The following NFE2 variants were observed in gnomAD, a reference collection of about 807,000 sequenced individuals.
The protein encoded by NFE2 is nuclear factor, erythroid 2, also known as transcription factor NF-E2 45 kDa subunit.
In NFE2, 13 loss-of-function variants were observed where a neutral mutation model predicts 25.8. The ratio of observed to expected loss-of-function variants is 0.50; its 90% CI spans 0.33 to 0.80. NFE2 has a LOEUF of 0.80. Ranked by LOEUF, NFE2 falls within the 30% of genes least tolerant of loss-of-function variation. The pLI, the probability that NFE2 is intolerant of heterozygous loss-of-function variation, is 0.02. For synonymous variants in NFE2, 204 were observed against 200.2 expected (o/e 1.02, Z -0.16); for missense variants, 382 against 478.9 (o/e 0.80, Z 1.89).
At position 54,292,818 on chromosome 12, in the gene NFE2, A is replaced by G. The variant is rs1369472872; in HGVS notation, c.678T>C (p.Asp226=). The G allele has an allele frequency of 1.2e-6, 2 of 1,614,138 alleles. No homozygotes were observed. The highest frequency in any genetic ancestry group is 2.2e-5 in the South Asian group (2 of 91,080). Residue 226 remains aspartate (D), a synonymous_variant, in exon 3 of 3, where the codon GAT becomes GAC. Coordinates refer to ENST00000435572, the MANE Select transcript of NFE2 (RefSeq NM_001136023.3). ...TCTTCATGGCCAAGGCCCGACGTTCATCCCGACTCCCTGCCTCCCCCCGTG... is the reference window on the plus strand; with the variant it reads ...TCTTCATGGCCAAGGCCCGACGTTCGTCCCGACTCCCTGCCTCCCCCCGTG... ...PTARGEAGSR[D]ERRALAMKIP... is the part of the protein sequence containing the mutation.
rs753444460 is a variant in NFE2, at chr12:54,292,770, A to G, written c.726T>C (p.Ile242=). 3 of 1,614,220 alleles carry G rather than the reference A, an allele frequency of 1.9e-6. No individual in the cohort carries two copies. The highest frequency in any genetic ancestry group is 2.2e-5 in the South Asian group (2 of 91,084). Residue 242 remains isoleucine, a synonymous_variant, in exon 3 of 3, where the codon ATT becomes ATC. Transcript: ENST00000435572. ...AMKIPFPTDK[I]VNLPVDDFNE... is the part of the protein sequence containing the mutation. ...TAAAGTCATCTACCGGCAAGTTGAC[A>G]ATCTTGTCCGTAGGAAAAGGAATCT...
At chr12:54,297,594 A>G (rs910646886) in intron 1 of NFE2, among the ~76,000 whole-genome samples, 17 of 130,090 alleles carry the variant, frequency 1.3e-4, no homozygotes, top group African/African-American at 4.7e-4. Context: ...TGAACCCGGG[A>G]GGCGGAGGTT....
intron 1 of NFE2, among the ~76,000 whole-genome samples, chr12:54,297,397 C>T (rs1228818769): frequency 6.8e-6 from 1 of 146,478 alleles, no homozygotes; most frequent in African/African-American, 2.5e-5. Context: ...GGTGCAGTGG[C>T]TCACACCTGT....
At chr12:54,300,308 C>CCAA (rs1239622452) in intron 1 of NFE2, 1 of 152,466 alleles carries the variant, frequency 6.6e-6, no homozygotes, top group African/African-American at 2.4e-5. Flanking sequence ...GGCAAAGGAG[C>CCAA]CAACAACCCA....
chr12:54,298,507 CAAAAAAAAAA>C (rs1180692795), intron 1 of NFE2, among the ~76,000 whole-genome samples: 1 of 35,616 alleles, frequency 2.8e-5, no homozygotes, highest in South Asian at 8.3e-4. Context: ...AACTCCACAT[CAAAAAAAAAA>C]AAAAAAAAAA....
In NFE2 at chr12:54,292,754, C is replaced by G. The variant is rs767181165; in HGVS notation, c.742G>C (p.Asp248His). 1 of 1,614,118 alleles carries G rather than the reference C, an allele frequency of 6.2e-7. No individual in the cohort carries two copies. The highest frequency in any genetic ancestry group is 8.5e-7 in the Non-Finnish European group (1 of 1,180,052). Residue 248 changes from aspartate to histidine, a missense_variant, in exon 3 of 3, where the codon GAT becomes CAT. Asp to His is a moderately conservative substitution (Grantham distance 81, BLOSUM62 -1). Transcript: ENST00000435572. ...CTTGCCAATAGCTCATTAAAGTCAT[C>G]TACCGGCAAGTTGACAATCTTGTCC... ...PTDKIVNLPV[D>H]DFNELLARYP...
At position 54,293,388 on chromosome 12, in the gene NFE2, G is replaced by A. The variant is rs757804344; in HGVS notation, c.115-7C>T. ...CACTTGGAGCATTCAGACCCTGCAA[G>A]GAAAGACACAAAGAGATTTGGAGAC... is the stretch of plus-strand genomic sequence containing the variant. On this transcript the variant is annotated splice_polypyrimidine_tract_variant and splice_region_variant and intron_variant, in intron 2 of 2. Transcript: ENST00000435572. 10 of 1,465,468 alleles carry A rather than the reference G, an allele frequency of 6.8e-6. No homozygotes were observed. Among genetic ancestry groups the A allele is most frequent in the Non-Finnish European group, 9.1e-6 (10 of 1,098,216 alleles). The allele number at this position is 1,465,468 out of a possible 1,614,324, so 90.8% of individuals were successfully genotyped here.
In NFE2 at chr12:54,292,527, G is replaced by A. The variant is rs1344887180; in HGVS notation, c.969C>T (p.Arg323=). Residue 323 remains arginine (R), a synonymous_variant, in exon 3 of 3, where the codon CGC becomes CGT. Transcript: ENST00000435572. ...GEADRTLEVM[R]QQLTELYRDI... ...CACGGTACAGCTCTGTCAGCTGTTG[G>A]CGCATGACCTCCAGGGTCCGGTCTG... 3.7e-6 allele frequency: 6 copies of A among 1,614,162 alleles called. No homozygotes were observed. Among genetic ancestry groups the A allele is most frequent in the Non-Finnish European group, 2.5e-6 (3 of 1,180,032 alleles).
chr12:54,295,025 T>TA, intron 2 of NFE2, 110 bp downstream of exon 2: 1 of 818,902 alleles, frequency 1.2e-6, no homozygotes, highest in Non-Finnish European at 2.0e-6. Context: ...CCTGGAGCAT[T>TA]ACCAGCCCTG....
intron 2 of NFE2, among the ~76,000 whole-genome samples, chr12:54,294,567 T>TAGAG (rs1371214116): frequency 1.3e-5 from 2 of 152,002 alleles, no homozygotes; most frequent in African/African-American, 4.8e-5. Flanking sequence ...CAGCGAGAAG[T>TAGAG]AGAGAACATG....
chr12:54,292,895 T>C lies in NFE2; in HGVS notation c.601A>G (p.Thr201Ala), dbSNP rs749776741. ...GAGGAGGGCTCTAAGGCCAAGGGGG[T>C]CTCAGCAGCTGGCAAGGTATAGTTG... ...HSNYTLPAAE[T>A]PLALEPSSGP... Residue 201 changes from threonine to alanine, a missense_variant, in exon 3 of 3, where the codon ACC becomes GCC. Transcript: ENST00000435572. 5 of 1,610,542 alleles carry C rather than the reference T, an allele frequency of 3.1e-6. No individual in the cohort carries two copies. The African/African-American group carries it at 6.7e-5, about 22-fold the overall frequency.
rs1367008305 is a variant in NFE2 at position 54,292,306 on chromosome 12, T to C, written c.*68A>G. ...ACTCAGCTCCTTCTGGGACTCAGGG[T>C]TGGGGAGTACCTTTATCAGAAGGGA... On this transcript the variant is annotated 3_prime_UTR_variant, in exon 3 of 3. Transcript: ENST00000435572. The C allele has an allele frequency of 1.3e-6, 2 of 1,527,454 alleles. No homozygotes were observed. Among genetic ancestry groups the C allele is most frequent in the Non-Finnish European group, 1.8e-6 (2 of 1,119,616 alleles). The allele number at this position is 1,527,454 out of a possible 1,614,324, so 94.6% of individuals were successfully genotyped here.
chr12:54,292,974 C>T lies in NFE2; in HGVS notation c.522G>A (p.Glu174=). Residue 174 remains glutamate (E), a synonymous_variant, in exon 3 of 3, where the codon GAG becomes GAA. Transcript: ENST00000435572. The part of the protein sequence containing the change: ...EAGRRRSEYV[E]MYPVEYPYSL... ...AGTAGGGGTACTCCACTGGGTACATCTCTACATATTCGCTGCGCCGCCGAC... is the reference window on the plus strand; with the variant it reads ...AGTAGGGGTACTCCACTGGGTACATTTCTACATATTCGCTGCGCCGCCGAC... The T allele has an allele frequency of 1.3e-6, 2 of 1,559,754 alleles. No homozygotes were observed. Among genetic ancestry groups the T allele is most frequent in the African/African-American group, 2.7e-5 (2 of 73,488 alleles).
intron 2 of NFE2, 30 bp downstream of exon 2, chr12:54,295,105 G>C (rs749714668): frequency 1.3e-6 from 2 of 1,579,266 alleles, no homozygotes; most frequent in Admixed American, 1.7e-5. Context: ...CCGACACACG[G>C]CCTCCCCTGC....
Position 54,293,046 on chromosome 12 carries a change from G to A in NFE2, c.450C>T (p.Leu150=), listed in dbSNP as rs1419480144. ...CAAGAGATTCAGCATCGCTATAGTT[G>A]AGGGATAATCCTGAGTCGGATTCTG... The part of the protein sequence containing the change: ...EDPESDSGLS[L]NYSDAESLEL... Residue 150 remains leucine (L), a synonymous_variant, in exon 3 of 3, where the codon CTC becomes CTT. Transcript: ENST00000435572. The A allele has an allele frequency of 6.6e-7, 1 of 1,526,416 alleles. No homozygotes were observed. The highest frequency in any genetic ancestry group is 2.3e-5 in the East Asian group (1 of 44,146). 94.6% of individuals were successfully genotyped at this position (1,526,416 alleles called of 1,614,324 possible). A position where few individuals can be genotyped will look rare whatever the true frequency, so the allele number is the denominator to read the frequency against.
chr12:54,295,069 T>C (rs1001619021), intron 2 of NFE2, 66 bp downstream of exon 2: 1 of 1,376,248 alleles, frequency 7.3e-7, no homozygotes, highest in African/African-American at 1.4e-5. Flanking sequence ...GCCTCAGTCC[T>C]GGCCAACTCC....
intron 2 of NFE2, among the ~76,000 whole-genome samples, chr12:54,293,935 T>C (rs1449063107): frequency 4.6e-5 from 7 of 151,816 alleles, no homozygotes; most frequent in African/African-American, 1.5e-4. Context: ...ATTGGAACAA[T>C]TATGAACTCT....
At chr12:54,298,715 T>G (rs1479807927) in intron 1 of NFE2, among the ~76,000 whole-genome samples, 1 of 151,788 alleles carries the variant, frequency 6.6e-6, no homozygotes, top group Non-Finnish European at 1.5e-5. Flanking sequence ...CCACTTCAAA[T>G]CTACTGAATT....
At chr12:54,296,317 G>A (rs1944371933) in intron 1 of NFE2, among the ~76,000 whole-genome samples, 2 of 150,756 alleles carry the variant, frequency 1.3e-5, no homozygotes, top group African/African-American at 4.9e-5. Context: ...AGCTGAGGCA[G>A]GAGAATCACT....
Sources: gnomAD v4.1 joint callset for allele counts (sites outside exome capture counted in the v4.1 genomes callset) on GRCh38, gnomAD v4.1.1 for gene constraint, MANE v1.5 for transcripts, NCBI Gene and HGNC (gene_info 2026-07-23, HGNC 2026-07-21) for gene names.